The following RAPGEF5 variants were observed in gnomAD, a reference collection of about 807,000 sequenced individuals.
RAPGEF5 encodes the protein M-Ras-regulated GEF.
RAPGEF5 carries 65 observed loss-of-function variants against 125.2 expected under a neutral mutation model. The observed-to-expected ratio is 0.52, with a 90% CI of 0.43 to 0.64. The LOEUF (loss-of-function observed/expected upper bound fraction) is 0.64, where lower values mean the gene tolerates loss of function less well. Among genes scored for constraint, RAPGEF5 ranks in the 30% least tolerant of loss-of-function variants. The pLI is 0.00. For synonymous variants in RAPGEF5, 391 were observed against 385.9 expected (o/e 1.01, Z -0.16); for missense variants, 958 against 1,048.1 (o/e 0.91, Z 1.19).
chr7:22,260,038 C>T (rs550038202), intron 7 of RAPGEF5, among the ~76,000 whole-genome samples: 30 of 151,820 alleles, frequency 2.0e-4, no homozygotes, highest in Admixed American at 1.5e-3. Flanking sequence ...GAGTGGAGAT[C>T]GTGCCACTGC....
chr7:22,157,011 C>T (rs1232618874), intron 15 of RAPGEF5, 123 bp from the exon 16 acceptor site: 6 of 1,438,922 alleles, frequency 4.2e-6, no homozygotes, highest in Non-Finnish European at 5.5e-6. Flanking sequence ...ATCCACCCAT[C>T]CAATCTTAGA....
At position 22,154,614 on chromosome 7, in the gene RAPGEF5, T is replaced by G. The variant is rs752516441; in HGVS notation, c.1637-10A>C. On this transcript the variant is annotated splice_polypyrimidine_tract_variant and intron_variant, in intron 16 of 25. Coordinates refer to ENST00000665637, the MANE Select transcript of RAPGEF5 (RefSeq NM_012294.5). ...TACACGTGGCAGAAAACTGCACAAGTGAAAAGAATTGTTTGGAAACAGAGA... is the reference window on the plus strand; with the variant it reads ...TACACGTGGCAGAAAACTGCACAAGGGAAAAGAATTGTTTGGAAACAGAGA... 2 of 1,610,596 alleles carry G rather than the reference T, an allele frequency of 1.2e-6. No homozygotes were observed. Among genetic ancestry groups the G allele is most frequent in the East Asian group, 4.5e-5 (2 of 44,834 alleles).
chr7:22,295,604 T>C (rs1293255070), intron 5 of RAPGEF5, among the ~76,000 whole-genome samples: 1 of 152,188 alleles, frequency 6.6e-6, no homozygotes, highest in Non-Finnish European at 1.5e-5. Context: ...TAGTGTTTCC[T>C]TGGGAGAGGA....
intron 23 of RAPGEF5, among the ~76,000 whole-genome samples, chr7:22,133,205 G>C (rs989177053): frequency 7.2e-5 from 11 of 152,194 alleles, no homozygotes; most frequent in Non-Finnish European, 1.3e-4. Context: ...TGTCAGGCTG[G>C]TACTGTCTAA....
intron 21 of RAPGEF5, among the ~76,000 whole-genome samples, chr7:22,139,408 G>A (rs1301989275): frequency 1.3e-5 from 2 of 152,158 alleles, no homozygotes; most frequent in African/African-American, 4.8e-5. Context: ...AGAGTCCTGC[G>A]CCTGTGTCTG....
chr7:22,170,742 G>T (rs1296762415), intron 11 of RAPGEF5, among the ~76,000 whole-genome samples: 1 of 152,066 alleles, frequency 6.6e-6, no homozygotes, highest in African/African-American at 2.4e-5. Flanking sequence ...TTTGTTAAGG[G>T]CTTTGACCCA....
chr7:22,130,948 G>C (rs1782897468), intron 24 of RAPGEF5, 89 bp downstream of exon 24: 1 of 1,493,228 alleles, frequency 6.7e-7, no homozygotes, highest in African/African-American at 1.4e-5. Context: ...ATGGAGAAAA[G>C]TACTAAAACT....
chr7:22,316,206 C>T (rs1783585893), intron 2 of RAPGEF5, among the ~76,000 whole-genome samples: 1 of 151,826 alleles, frequency 6.6e-6, no homozygotes, highest in Admixed American at 6.6e-5. Flanking sequence ...CACCTTCCCC[C>T]AAAGCACAAT....
intron 25 of RAPGEF5, among the ~76,000 whole-genome samples, chr7:22,123,554 TG>T (rs373454873): frequency 9.1e-4 from 139 of 152,310 alleles, no homozygotes; most frequent in African/African-American, 3.0e-3. Context: ...TTTCTCTTGG[TG>T]AAACCCCCTT....
chr7:22,189,263 T>C lies in RAPGEF5; in HGVS notation c.1204+4104A>G, dbSNP rs549516477. On this transcript the variant is annotated intron_variant, in intron 11 of 25. Coordinates refer to ENST00000665637, the MANE Select transcript of RAPGEF5 (RefSeq NM_012294.5). ...TCCTATGTTTTCCCTAAGGTAGACC[T>C]GTCGTAACACAGATTCAGAAAGAAA... 2.6e-5 allele frequency among the ~76,000 whole-genome samples: 4 copies of C among 152,298 alleles called. No individual in the cohort carries two copies. The South Asian group carries it at 8.3e-4, about 32-fold the overall frequency.
At chr7:22,353,636 G>A in intron 1 of RAPGEF5, among the ~76,000 whole-genome samples, 1 of 152,116 alleles carries the variant, frequency 6.6e-6, no homozygotes. Context: ...AAAAATTAAA[G>A]GGTTTTGTCA....
chr7:22,203,918 C>T (rs757939760), intron 9 of RAPGEF5, among the ~76,000 whole-genome samples: 3 of 152,166 alleles, frequency 2.0e-5, no homozygotes, highest in African/African-American at 4.8e-5. Context: ...TTAAGCATTT[C>T]CTGAAATGTA....
chr7:22,204,010 C>G (rs1428946686), intron 9 of RAPGEF5, among the ~76,000 whole-genome samples: 1 of 152,220 alleles, frequency 6.6e-6, no homozygotes, highest in Non-Finnish European at 1.5e-5. Context: ...GAAACCTACA[C>G]TAAATTATGA....
At chr7:22,170,087 T>TTTTG (rs1257386738) in intron 11 of RAPGEF5, among the ~76,000 whole-genome samples, 2 of 151,968 alleles carry the variant, frequency 1.3e-5, no homozygotes, top group Non-Finnish European at 2.9e-5. Flanking sequence ...AGAGTAGTTT[T>TTTTG]TTTGTTTGTT....
chr7:22,311,358 T>C (rs1224830643), intron 3 of RAPGEF5, among the ~76,000 whole-genome samples: 1 of 152,192 alleles, frequency 6.6e-6, no homozygotes, highest in Non-Finnish European at 1.5e-5. Flanking sequence ...ACTATCTTTA[T>C]ATGCAGTACT....
Position 22,146,931 on chromosome 7 carries a change from T to C in RAPGEF5, c.1973A>G (p.Asn658Ser), listed in dbSNP as rs1235704611. Residue 658 changes from asparagine (N) to serine (S), a missense_variant, in exon 19 of 26, where the codon AAT becomes AGT. Asn to Ser is a conservative substitution (Grantham distance 46). Coordinates refer to ENST00000665637, the MANE Select transcript of RAPGEF5 (RefSeq NM_012294.5). ...TGAATTGAATAGACTCCAATCAAAA[T>C]TCATTAATTCCAGAGCAAGATCCCA... is the stretch of plus-strand genomic sequence containing the variant. Reference protein sequence around the residue: ...NTWDLALELMNFDWSLFNSIH... With the variant: ...NTWDLALELMSFDWSLFNSIH... 4 of 1,613,542 alleles carry C rather than the reference T, an allele frequency of 2.5e-6. No homozygotes were observed. The highest frequency in any genetic ancestry group is 3.4e-6 in the Non-Finnish European group (4 of 1,179,726).
intron 2 of RAPGEF5, among the ~76,000 whole-genome samples, chr7:22,316,164 C>G (rs957265533): frequency 6.6e-6 from 1 of 152,020 alleles, no homozygotes; most frequent in African/African-American, 2.4e-5. Flanking sequence ...CTAGGTCCTA[C>G]TTTATAATAC....
intron 11 of RAPGEF5, among the ~76,000 whole-genome samples, chr7:22,183,626 T>C (rs1784742389): frequency 6.6e-6 from 1 of 152,194 alleles, no homozygotes; most frequent in Non-Finnish European, 1.5e-5. Flanking sequence ...GACTTCTCCA[T>C]CTTCCATGCT....
Position 22,156,844 on chromosome 7 carries a change from G to T in RAPGEF5, c.1602C>A (p.Leu534=). 6.2e-7 allele frequency: 1 copy of T among 1,613,922 alleles called. No individual in the cohort carries two copies. The highest frequency in any genetic ancestry group is 8.5e-7 in the Non-Finnish European group (1 of 1,179,858). Residue 534 remains leucine (L), a synonymous_variant, in exon 16 of 26, where the codon CTC becomes CTA. Transcript: ENST00000665637. ...FHQFSLKENW[L]QHRGTVTETE... is the part of the protein sequence containing the mutation. ...TTTCAGTCACAGTTCCTCTATGCTGGAGCCAGTTCTCCTTAAGACTGAATT... is the reference window on the plus strand; with the variant it reads ...TTTCAGTCACAGTTCCTCTATGCTGTAGCCAGTTCTCCTTAAGACTGAATT...
Sources: allele counts gnomAD v4.1 joint callset (sites outside exome capture counted in the v4.1 genomes callset), GRCh38; gene constraint gnomAD v4.1.1; transcripts MANE v1.5; gene names NCBI Gene and HGNC (gene_info 2026-07-23, HGNC 2026-07-21).